The following RIPOR2 variants were observed in gnomAD, a reference collection of about 807,000 sequenced individuals.
RIPOR2 encodes the protein rho family-interacting cell polarization regulator 2.
RIPOR2 carries 39 observed loss-of-function variants against 114.5 expected under a neutral mutation model. That is an observed-to-expected ratio of 0.34 (90% confidence interval 0.26 to 0.44). RIPOR2 has a LOEUF of 0.44. Ranked by LOEUF, RIPOR2 falls within the 20% of genes least tolerant of loss-of-function variation. RIPOR2 has a pLI of 1.00. For synonymous variants in RIPOR2, 445 were observed against 484.4 expected (o/e 0.92, Z 1.07); for missense variants, 1,007 against 1,255.1 (o/e 0.80, Z 2.99).
At chr6:24,954,455 CCTTTTTTTT>C (rs1772935786) in intron 1 of RIPOR2, among the ~76,000 whole-genome samples, 1 of 116,252 alleles carries the variant, frequency 8.6e-6, no homozygotes, top group Non-Finnish European at 1.7e-5. Flanking sequence ...GTCTCTCTCT[CCTTTTTTTT>C]TTTTTTTTTG....
chr6:25,005,832 T>TCCCA (rs1308601125), intron 1 of RIPOR2, among the ~76,000 whole-genome samples: 1 of 150,046 alleles, frequency 6.7e-6, no homozygotes, highest in East Asian at 2.0e-4. Flanking sequence ...AGCTCTGGGA[T>TCCCA]CCCAGCCCTC....
At chr6:24,873,029 CT>C in intron 3 of RIPOR2, 70 bp from the exon 4 acceptor site, 2 of 1,040,862 alleles carry the variant, frequency 1.9e-6, no homozygotes, top group Non-Finnish European at 3.0e-6. Flanking sequence ...CTGTTGCTGA[CT>C]TTTCCTTCTC....
chr6:25,004,505 C>T (rs1325553642), intron 1 of RIPOR2, among the ~76,000 whole-genome samples: 1 of 152,182 alleles, frequency 6.6e-6, no homozygotes, highest in Non-Finnish European at 1.5e-5. Flanking sequence ...CGCCTCCTCT[C>T]CAGGTTTTCT....
chr6:24,810,317 G>A (rs1781060733), intron 20 of RIPOR2, among the ~76,000 whole-genome samples: 1 of 152,112 alleles, frequency 6.6e-6, no homozygotes, highest in South Asian at 2.1e-4. Context: ...CACACTCCTG[G>A]TCTAGAGGAG....
chr6:24,831,724 T>C (rs894495598), intron 16 of RIPOR2, among the ~76,000 whole-genome samples: 5 of 152,164 alleles, frequency 3.3e-5, no homozygotes, highest in Non-Finnish European at 5.9e-5. Context: ...TAAATTTTGG[T>C]TTCTACAAAA....
At chr6:24,961,686 G>A (rs1773316337) in intron 1 of RIPOR2, among the ~76,000 whole-genome samples, 2 of 151,384 alleles carry the variant, frequency 1.3e-5, no homozygotes, top group African/African-American at 2.4e-5. Context: ...GGAGTGCAGT[G>A]GCACAATCTA....
chr6:24,903,472 T>C (rs921486209), intron 1 of RIPOR2, among the ~76,000 whole-genome samples: 4 of 152,176 alleles, frequency 2.6e-5, no homozygotes, highest in African/African-American at 7.2e-5. Flanking sequence ...ATCTGCCATA[T>C]GGATGGACTG....
chr6:24,921,657 C>T (rs761203748), intron 1 of RIPOR2, among the ~76,000 whole-genome samples: 4 of 151,486 alleles, frequency 2.6e-5, no homozygotes, highest in African/African-American at 9.7e-5. Context: ...TATCGCCCCC[C>T]CCGACCCTGA....
intron 1 of RIPOR2, among the ~76,000 whole-genome samples, chr6:24,900,258 C>T (rs910326829): frequency 1.3e-5 from 2 of 152,158 alleles, no homozygotes; most frequent in African/African-American, 2.4e-5. Flanking sequence ...TGATGCCAGA[C>T]GGCCTAGGTT....
At chr6:24,847,941 A>C in intron 12 of RIPOR2, 84 bp downstream of exon 12, 2 of 1,556,978 alleles carry the variant, frequency 1.3e-6, no homozygotes, top group Non-Finnish European at 1.8e-6. Flanking sequence ...AACTCCCAGC[A>C]CTGTCTCTTA....
Position 24,976,394 on chromosome 6 carries a change from C to G in RIPOR2, c.76+65457G>C, listed in dbSNP as rs538661118. On this transcript the variant is annotated intron_variant, in intron 1 of 13. Transcript: ENST00000510784. ...GAAAAGGCTTTGCAGACGCCGCCGC[C>G]GAGGAAAACCGTGTGCTATTAGCCA... is the stretch of plus-strand genomic sequence containing the variant. 46 of 1,435,850 alleles carry G rather than the reference C, an allele frequency of 3.2e-5. No homozygotes were observed. The African/African-American group carries it at 5.6e-4, about 17-fold the overall frequency. The allele number at this position is 1,435,850 out of a possible 1,614,324, so 88.9% of individuals were successfully genotyped here. A position where few individuals can be genotyped will look rare whatever the true frequency, so the allele number is the denominator to read the frequency against.
chr6:24,986,766 GA>G (rs1257455860), intron 1 of RIPOR2, among the ~76,000 whole-genome samples: 1 of 152,164 alleles, frequency 6.6e-6, no homozygotes, highest in Admixed American at 6.5e-5. Flanking sequence ...GAGGAGTTGA[GA>G]AGATTAAATT....
chr6:24,807,949 A>T (rs1362028029), intron 21 of RIPOR2, among the ~76,000 whole-genome samples: 1 of 152,212 alleles, frequency 6.6e-6, no homozygotes, highest in African/African-American at 2.4e-5. Context: ...GGGTCAAAGA[A>T]GATTCATAAT....
intron 15 of RIPOR2, 139 bp from the exon 16 acceptor site, chr6:24,832,530 C>T: frequency 4.1e-6 from 3 of 736,536 alleles, no homozygotes; most frequent in Admixed American, 5.5e-5. Flanking sequence ...GATAATGATC[C>T]TCATTCCATG....
At chr6:24,910,817 C>T in intron 1 of RIPOR2, 1 of 985,518 alleles carries the variant, frequency 1.0e-6, no homozygotes, top group Non-Finnish European at 1.2e-6. Flanking sequence ...GGTGAACCTA[C>T]CTAACGACGA....
intron 19 of RIPOR2, among the ~76,000 whole-genome samples, chr6:24,821,966 T>G (rs1759739962): frequency 6.6e-6 from 1 of 152,206 alleles, no homozygotes; most frequent in African/African-American, 2.4e-5. Flanking sequence ...AACCTATGGT[T>G]TGATAGTTAG....
chr6:24,839,583 G>A (rs963195503), intron 13 of RIPOR2: 1 of 1,517,720 alleles, frequency 6.6e-7, no homozygotes, highest in Non-Finnish European at 8.9e-7. Flanking sequence ...GGATCCATTA[G>A]AGGATCTTCT....
At chr6:24,879,802 A>C (rs1341680958) in intron 1 of RIPOR2, among the ~76,000 whole-genome samples, 1 of 151,802 alleles carries the variant, frequency 6.6e-6, no homozygotes, top group Non-Finnish European at 1.5e-5. Flanking sequence ...TCTATTGACC[A>C]CTCCACTCCT....
At chr6:24,985,479 T>C (rs1460411985) in intron 1 of RIPOR2, among the ~76,000 whole-genome samples, 2 of 152,094 alleles carry the variant, frequency 1.3e-5, no homozygotes, top group South Asian at 2.1e-4. Flanking sequence ...GAGCACATTG[T>C]TTCTGGAAAC....
Sources: allele counts gnomAD v4.1 joint callset (sites outside exome capture counted in the v4.1 genomes callset), GRCh38; gene constraint gnomAD v4.1.1; transcripts MANE v1.5; gene names NCBI Gene and HGNC (gene_info 2026-07-23, HGNC 2026-07-21).